Variants in DLG2 observed in about 807,000 individuals in gnomAD.
The protein encoded by DLG2 is disks large homolog 2.
In DLG2, 45 loss-of-function variants were observed where a neutral mutation model predicts 132.5. That is an observed-to-expected ratio of 0.34 (90% confidence interval 0.27 to 0.44). The LOEUF is 0.44. DLG2 is among the 20% of genes least tolerant of loss of function. DLG2 has a pLI of 1.00. For synonymous variants in DLG2, 424 were observed against 419.6 expected (o/e 1.01, Z -0.13); for missense variants, 1,045 against 1,196.9 (o/e 0.87, Z 1.87).
At chr11:84,424,975 A>G (rs2098961812) in intron 7 of DLG2, among the ~76,000 whole-genome samples, 1 of 152,100 alleles carries the variant, frequency 6.6e-6, no homozygotes, top group Non-Finnish European at 1.5e-5. Context: ...TTTAAGCAGT[A>G]TAGAGTTTGC....
chr11:83,668,613 CTATA>C (rs889470150), intron 18 of DLG2, among the ~76,000 whole-genome samples: 2 of 150,086 alleles, frequency 1.3e-5, no homozygotes, highest in African/African-American at 4.9e-5. Flanking sequence ...GGAAGAAAAA[CTATA>C]TATACACACA....
chr11:85,588,945 A>G (rs987835997), intron 3 of DLG2, among the ~76,000 whole-genome samples: 1 of 151,964 alleles, frequency 6.6e-6, no homozygotes, highest in Non-Finnish European at 1.5e-5. Flanking sequence ...TGCTCTTCTG[A>G]GTCTAGCCAC....
At chr11:85,067,027 G>T (rs535154325) in intron 6 of DLG2, among the ~76,000 whole-genome samples, 10 of 151,670 alleles carry the variant, frequency 6.6e-5, no homozygotes, top group African/African-American at 2.4e-4. Context: ...ATATCTAGAA[G>T]ACAATCCCAT....
chr11:84,015,462 T>C (rs1031360563), intron 11 of DLG2, among the ~76,000 whole-genome samples: 2 of 152,156 alleles, frequency 1.3e-5, no homozygotes, highest in Non-Finnish European at 2.9e-5. Flanking sequence ...TGGTTTGCTG[T>C]ACAGATCATC....
Position 85,410,873 on chromosome 11 carries a change from A to G in DLG2, c.41-125508T>C, listed in dbSNP as rs182447576. On this transcript the variant is annotated intron_variant, in intron 3 of 27. Coordinates refer to ENST00000376104, the MANE Select transcript of DLG2 (RefSeq NM_001142699.3). ...ATAAAAACTAAAACAGCCACCCCCA[A>G]TTATCTGGAGTAGGTCGATGCTCAT... 1.4e-3 allele frequency among the ~76,000 whole-genome samples: 208 copies of G among 151,814 alleles called. 1 individual carries two copies. The highest frequency in any genetic ancestry group is 1.9e-3 in the African/African-American group (79 of 41,502).
intron 6 of DLG2, among the ~76,000 whole-genome samples, chr11:84,663,242 TATATATA>T (rs2099696513): frequency 1.5e-5 from 1 of 66,368 alleles, no homozygotes; most frequent in Non-Finnish European, 2.9e-5. Context: ...TATATATATA[TATATATA>T]TTTTTTTTTC....
At position 83,956,379 on chromosome 11, in the gene DLG2, A is replaced by G. The variant is rs74743987; in HGVS notation, c.1340+6506T>C. On this transcript the variant is annotated intron_variant, in intron 14 of 27. Transcript: ENST00000376104. Reference sequence around the variant, plus strand: ...ACATACTGCTGTCTACAAATGGCAGAACTAAAAGAGTACTGTGACACCCTC... The same window carrying G: ...ACATACTGCTGTCTACAAATGGCAGGACTAAAAGAGTACTGTGACACCCTC... Among the ~76,000 whole-genome samples, 362 of 152,330 alleles carry G rather than the reference A, an allele frequency of 2.4e-3. 2 individuals carry two copies. Among genetic ancestry groups the G allele is most frequent in the African/African-American group, 8.5e-3 (355 of 41,586 alleles).
At chr11:85,559,853 T>TAGAC in intron 3 of DLG2, among the ~76,000 whole-genome samples, 2 of 150,234 alleles carry the variant, frequency 1.3e-5, no homozygotes, top group East Asian at 3.9e-4. Flanking sequence ...GATAGATAGA[T>TAGAC]AGATAGAGAT....
chr11:83,616,154 A>G (rs1251466103), intron 19 of DLG2, among the ~76,000 whole-genome samples: 1 of 152,158 alleles, frequency 6.6e-6, no homozygotes, highest in Non-Finnish European at 1.5e-5. Flanking sequence ...TTGTTGATGG[A>G]CATTTGGTTA....
At chr11:85,344,147 C>A (rs1416267885) in intron 3 of DLG2, among the ~76,000 whole-genome samples, 1 of 152,088 alleles carries the variant, frequency 6.6e-6, no homozygotes, top group East Asian at 1.9e-4. Flanking sequence ...CTCTGTCCAC[C>A]TATAAAATGC....
chr11:85,542,544 T>C (rs549625783), intron 3 of DLG2, among the ~76,000 whole-genome samples: 2 of 152,248 alleles, frequency 1.3e-5, no homozygotes, highest in East Asian at 3.9e-4. Context: ...AATATCAGCA[T>C]TTTTTTCCTT....
intron 7 of DLG2, among the ~76,000 whole-genome samples, chr11:84,433,014 G>T (rs943342582): frequency 2.6e-5 from 4 of 152,020 alleles, no homozygotes; most frequent in Non-Finnish European, 5.9e-5. Context: ...ACAGAGTGAG[G>T]CCCTGTCAAA....
Position 84,058,504 on chromosome 11 carries a change from T to TAAAATAATAATAATA in DLG2, c.919+810_919+811insTATTATTATTATTTT, listed in dbSNP as rs372631929. On this transcript the variant is annotated intron_variant, in intron 11 of 27. Transcript: ENST00000376104. ...GGGTCTGTCTCTACCAAAAAACAAA[T>TAAAATAATAATAATA]ACAATAATAATAATAATAATAATAA... is the stretch of plus-strand genomic sequence containing the variant. 2.6e-3 allele frequency among the ~76,000 whole-genome samples: 323 copies of TAAAATAATAATAATA among 122,956 alleles called. 1 individual carries two copies. Among genetic ancestry groups the TAAAATAATAATAATA allele is most frequent in the East Asian group, 4.1e-3 (20 of 4,860 alleles). The allele number at this position is 122,956 out of a possible 152,430, so 80.7% of individuals were successfully genotyped here.
chr11:83,461,226 G>A (rs1051395988), intron 27 of DLG2, among the ~76,000 whole-genome samples: 19 of 151,938 alleles, frequency 1.3e-4, no homozygotes, highest in African/African-American at 3.9e-4. Context: ...GGCCAGGCTG[G>A]TCTCGAACTC....
chr11:83,567,741 T>C (rs950908864), intron 19 of DLG2, among the ~76,000 whole-genome samples: 5 of 152,128 alleles, frequency 3.3e-5, no homozygotes, highest in African/African-American at 9.7e-5. Context: ...ATAGTGAAGA[T>C]GGCAGCTGCA....
At chr11:85,036,590 C>T (rs1432266372) in intron 6 of DLG2, among the ~76,000 whole-genome samples, 1 of 152,108 alleles carries the variant, frequency 6.6e-6, no homozygotes, top group African/African-American at 2.4e-5. Context: ...CAGAGAAAAA[C>T]AAATGCCTAT....
chr11:84,511,431 T>C (rs918132275), intron 7 of DLG2, among the ~76,000 whole-genome samples: 3 of 152,168 alleles, frequency 2.0e-5, no homozygotes, highest in African/African-American at 7.2e-5. Flanking sequence ...CTTCAGGCAC[T>C]ACTGAAAATT....
chr11:84,808,204 G>T (rs1002721924), intron 6 of DLG2, among the ~76,000 whole-genome samples: 1 of 151,952 alleles, frequency 6.6e-6, no homozygotes, highest in Non-Finnish European at 1.5e-5. Context: ...CAAGTGCTTG[G>T]AAACTAAAAA....
chr11:84,116,575 C>T (rs752062802), intron 9 of DLG2, among the ~76,000 whole-genome samples: 6 of 152,128 alleles, frequency 3.9e-5, no homozygotes, highest in African/African-American at 7.2e-5. Context: ...ATCAGGAGAA[C>T]GACATGGGAG....
Sources: allele counts gnomAD v4.1 joint callset (sites outside exome capture counted in the v4.1 genomes callset), GRCh38; gene constraint gnomAD v4.1.1; transcripts MANE v1.5; gene names NCBI Gene and HGNC (gene_info 2026-07-23, HGNC 2026-07-21).